Variants in DVL2 observed in about 807,000 individuals in gnomAD.
DVL2 encodes dishevelled segment polarity protein 2.
Under a neutral mutation model 69.8 loss-of-function variants are expected in DVL2, and 38 were observed. That is an observed-to-expected ratio of 0.54 (90% CI 0.42 to 0.71). The LOEUF is 0.71. DVL2 is among the 30% of genes least tolerant of loss of function. DVL2 has a pLI of 0.00. For missense variants in DVL2, 931 were observed against 1,008.1 expected, an observed-to-expected ratio of 0.92 and a Z score of 1.04; for synonymous variants, 428 against 392.4, an observed-to-expected ratio of 1.09 and a Z score of -1.07.
At position 7,227,082 on chromosome 17, in the gene DVL2, G is replaced by T; in HGVS notation, c.1543+8C>A. 2 of 1,602,558 alleles carry T rather than the reference G, an allele frequency of 1.2e-6. No homozygotes were observed. Among genetic ancestry groups the T allele is most frequent in the Non-Finnish European group, 1.7e-6 (2 of 1,173,620 alleles). The stretch of plus-strand genomic sequence containing the variant: ...CCACACTCCCAGAGTTGGGGCAGGG[G>T]GACTTACAGCTCTCACAGCCACCAC... On this transcript the variant is annotated splice_region_variant and intron_variant, in intron 13 of 14. Transcript: ENST00000005340.
intron 1 of DVL2, among the ~76,000 whole-genome samples, chr17:7,232,950 T>C (rs193281032): frequency 3.3e-5 from 5 of 150,960 alleles, no homozygotes; most frequent in Admixed American, 3.3e-4. Flanking sequence ...ATTAGCCGGG[T>C]GTGGTGGCGG....
In DVL2 at chr17:7,226,091, G is replaced by A; in HGVS notation, c.1985C>T (p.Pro662Leu). 1 of 1,593,520 alleles carries A rather than the reference G, an allele frequency of 6.3e-7. No individual in the cohort carries two copies. The highest frequency in any genetic ancestry group is 1.1e-5 in the South Asian group (1 of 88,950). Residue 662 changes from proline (P) to leucine (L), a missense_variant, in exon 15 of 15, where the codon CCA (proline) becomes CTA (leucine). Physicochemically the swap from Pro to Leu is moderately conservative, Grantham distance 98. Coordinates refer to ENST00000005340, the MANE Select transcript of DVL2 (RefSeq NM_004422.3). ...TGGAPNLRAHPGLHPYGPPPG... is the reference protein window; with the variant it reads ...TGGAPNLRAHLGLHPYGPPPG... Reference sequence around the variant, plus strand: ...GGGCGGTCCATAGGGATGGAGCCCTGGGTGGGCTCGGAGATTAGGGGCACC... The same window carrying A: ...GGGCGGTCCATAGGGATGGAGCCCTAGGTGGGCTCGGAGATTAGGGGCACC...
At position 7,226,928 on chromosome 17, in the gene DVL2, C is replaced by T. The variant is rs1430313435; in HGVS notation, c.1543+162G>A. On this transcript the variant is annotated intron_variant, in intron 13 of 14. Coordinates refer to ENST00000005340, the MANE Select transcript of DVL2 (RefSeq NM_004422.3). The stretch of plus-strand genomic sequence containing the variant: ...GCTTGTCCAGCAGCACATGGGTGGA[C>T]GTCAGCCCCCATCCTCGGCCAGTGC... 4 of 731,988 alleles carry T rather than the reference C, an allele frequency of 5.5e-6. No homozygotes were observed. In the South Asian group the frequency reaches 5.5e-5, roughly 10 times the overall value. The allele number at this position is 731,988 out of a possible 1,614,324, so 45.3% of individuals were successfully genotyped here. A position where few individuals can be genotyped will look rare whatever the true frequency, so the allele number is the denominator to read the frequency against.
intron 1 of DVL2, 187 bp downstream of exon 1, chr17:7,233,882 T>C (rs541500511): frequency 1.5e-6 from 1 of 676,462 alleles, no homozygotes; most frequent in South Asian, 1.8e-5. Context: ...AGTCTGTCCG[T>C]GTGCCTCAAT....
In DVL2 at chr17:7,226,494, C is replaced by T. The variant is rs370419589; in HGVS notation, c.1689G>A (p.Pro563=). The part of the protein sequence containing the change: ...YQYPAPHPYS[P]QPPPYHELSS... ...AAAGCTCATGGTAGGGTGGAGGCTG[C>T]GGGCTGTAGGGGTGTGGGGCAGGGT... The change falls in exon 14 of 15, where the codon CCG becomes CCA. Residue 563 remains proline, a synonymous_variant. Coordinates refer to ENST00000005340, the MANE Select transcript of DVL2 (RefSeq NM_004422.3). The T allele has an allele frequency of 1.3e-5, 21 of 1,581,562 alleles. No individual in the cohort carries two copies. The highest frequency in any genetic ancestry group is 4.5e-5 in the East Asian group (2 of 44,540).
chr17:7,233,893 C>T (rs1347350327), intron 1 of DVL2, 176 bp downstream of exon 1: 2 of 707,868 alleles, frequency 2.8e-6, no homozygotes, highest in Non-Finnish European at 4.9e-6. Flanking sequence ...GTGCCTCAAT[C>T]TATCCAAGCA....
chr17:7,233,318 T>C (rs956234858), intron 1 of DVL2, among the ~76,000 whole-genome samples: 1 of 152,034 alleles, frequency 6.6e-6, no homozygotes, highest in African/African-American at 2.4e-5. Context: ...TACGGCTGCC[T>C]GTGCTAGCAC....
chr17:7,229,057 G>A lies in DVL2; in HGVS notation c.958-12C>T, dbSNP rs774280189. 74 of 1,613,982 alleles carry A rather than the reference G, an allele frequency of 4.6e-5. No homozygotes were observed. The highest frequency in any genetic ancestry group is 6.7e-5 in the East Asian group (3 of 44,890). On this transcript the variant is annotated splice_polypyrimidine_tract_variant and intron_variant, in intron 8 of 14. Coordinates refer to ENST00000005340, the MANE Select transcript of DVL2 (RefSeq NM_004422.3). The surrounding 1 kb of genome is among the most constrained non-coding windows in gnomAD (Gnocchi z 4.4). ...TTCATGTCATTCACCTGGAAGCGAC[G>A]GCAAGTGGGTCAGAGACACGGTGGG...
At chr17:7,232,085 C>T (rs2071551289) in intron 1 of DVL2, among the ~76,000 whole-genome samples, 1 of 152,168 alleles carries the variant, frequency 6.6e-6, no homozygotes, top group Non-Finnish European at 1.5e-5. Flanking sequence ...CGGACTTGCC[C>T]CTTCTTCTTG....
Position 7,225,772 on chromosome 17 carries a change from G to T in DVL2, c.*93C>A. 1 of 1,130,336 alleles carries T rather than the reference G, an allele frequency of 8.8e-7. No homozygotes were observed. The highest frequency in any genetic ancestry group is 1.3e-6 in the Non-Finnish European group (1 of 757,464). The allele number at this position is 1,130,336 out of a possible 1,614,324, so 70.0% of individuals were successfully genotyped here. A position where few individuals can be genotyped will look rare whatever the true frequency, so the allele number is the denominator to read the frequency against. On this transcript the variant is annotated 3_prime_UTR_variant, in exon 15 of 15. Transcript: ENST00000005340. ...TCTCCTGTATGGCAGCAGCTGGTAG[G>T]CTGAGCCCAGGCACTGTAAGAGCAA...
intron 9 of DVL2, 54 bp downstream of exon 9, chr17:7,228,915 A>G (rs2071498381): frequency 7.6e-6 from 12 of 1,578,844 alleles, no homozygotes; most frequent in Admixed American, 3.3e-5. Context: ...AAAACAAAAC[A>G]TGAAAGAGAA....
chr17:7,228,593 T>G lies in DVL2; in HGVS notation c.1034+376A>C, dbSNP rs547007216. 2.6e-4 allele frequency: 57 copies of G among 217,050 alleles called. 1 individual carries two copies. The Admixed American group carries it at 2.7e-3, about 10-fold the overall frequency. 13.4% of individuals were successfully genotyped at this position (217,050 alleles called of 1,614,324 possible). On this transcript the variant is annotated intron_variant, in intron 9 of 14. Transcript: ENST00000005340. ...ACGTTATGTCTTAGCACTTTTTTTT[T>G]TTTTTGAGACGGAGTCTTGCTCTGT... is the stretch of plus-strand genomic sequence containing the variant.
intron 1 of DVL2, among the ~76,000 whole-genome samples, chr17:7,232,645 T>C (rs1416823064): frequency 6.6e-6 from 1 of 152,228 alleles, no homozygotes; most frequent in Non-Finnish European, 1.5e-5. Flanking sequence ...ATTACATTGC[T>C]GACAACTAGA....
At position 7,227,756 on chromosome 17, in the gene DVL2, G is replaced by C. The variant is rs758413383; in HGVS notation, c.1130C>G (p.Ala377Gly). 1 of 1,588,854 alleles carries C rather than the reference G, an allele frequency of 6.3e-7. No homozygotes were observed. The highest frequency in any genetic ancestry group is 1.3e-5 in the African/African-American group (1 of 74,238). ...AGCCGCGGAATGGGACACCCAGGCA[G>C]CAGGGTCAATTGGCTGGATGGGCTC... ...RNEPIQPIDP[A>G]AWVSHSAALT... Residue 377 changes from alanine to glycine, a missense_variant, in exon 11 of 15, where the codon GCT becomes GGT. This residue lies in a region of DVL2 where 555 missense variants were observed against 588.8 expected (regional missense o/e 0.94). Coordinates refer to ENST00000005340, the MANE Select transcript of DVL2 (RefSeq NM_004422.3).
Position 7,228,018 on chromosome 17 carries a change from C to T in DVL2, c.1061G>A (p.Cys354Tyr), listed in dbSNP as rs767229371. The T allele has an allele frequency of 3.9e-6, 6 of 1,553,174 alleles. No individual in the cohort carries two copies. Among genetic ancestry groups the T allele is most frequent in the Non-Finnish European group, 5.2e-6 (6 of 1,151,278 alleles). ...ATAGGCCTGAGGAGAGGGATCCCAG[C>T]ACTTGGCCACAGTCAGCACAATGGG... ...PGPIVLTVAK[C>Y]WDPSPQAYFT... Residue 354 changes from cysteine to tyrosine, a missense_variant, in exon 10 of 15, where the codon TGC becomes TAC. Coordinates refer to ENST00000005340, the MANE Select transcript of DVL2 (RefSeq NM_004422.3).
chr17:7,230,628 C>T, intron 2 of DVL2, 100 bp downstream of exon 2: 1 of 1,370,494 alleles, frequency 7.3e-7, no homozygotes, highest in Non-Finnish European at 1.0e-6. Flanking sequence ...AGAGCCAGGG[C>T]TGCTAACGCG....
At position 7,229,856 on chromosome 17, in the gene DVL2, A is replaced by C. The variant is rs2071515021; in HGVS notation, c.608T>G (p.Leu203Arg). ...CGAGTCCCCCAGGCTGGTACTCTCC[A>C]GCTCGCTGGTCATGAGGGTAGAGGA... ...ESSSTLMTSE[L>R]ESTSLGDSDE... Residue 203 changes from leucine (L) to arginine (R), a missense_variant, in exon 5 of 15, where the codon CTG (leucine) becomes CGG (arginine). Leu to Arg is a moderately radical substitution (Grantham distance 102, BLOSUM62 -2). Transcript: ENST00000005340. The surrounding 1 kb of genome is among the most constrained non-coding windows in gnomAD (Gnocchi z 4.4). The C allele has an allele frequency of 6.2e-7, 1 of 1,612,008 alleles. No homozygotes were observed. The highest frequency in any genetic ancestry group is 8.5e-7 in the Non-Finnish European group (1 of 1,179,952).
At chr17:7,230,246 C>T in intron 3 of DVL2, 39 bp downstream of exon 3, 2 of 1,613,148 alleles carry the variant, frequency 1.2e-6, no homozygotes, top group Non-Finnish European at 8.5e-7. Context: ...GTTCCCTCCT[C>T]ACCTCCCTCC....
chr17:7,233,779 C>T (rs2071585710), intron 1 of DVL2, among the ~76,000 whole-genome samples: 2 of 152,300 alleles, frequency 1.3e-5, no homozygotes, highest in South Asian at 4.1e-4. Context: ...GATCAATTTA[C>T]TCAGTACAGA....
Sources: gnomAD v4.1 joint callset for allele counts (sites outside exome capture counted in the v4.1 genomes callset) on GRCh38, gnomAD v4.1.1 for gene constraint, gnomAD v4.1.1 regional missense constraint, Gnocchi (gnomAD v3.1) non-coding constraint, MANE v1.5 for transcripts, NCBI Gene and HGNC (gene_info 2026-07-23, HGNC 2026-07-21) for gene names.